The following RNF17 variants were observed in gnomAD, a reference collection of about 807,000 sequenced individuals.
RNF17 encodes ring finger protein 17, also known as spermatogenesis associated 23.
A neutral mutation model predicts 200.5 loss-of-function variants in RNF17; 31 were observed. The ratio of observed to expected loss-of-function variants is 0.15; its 90% CI spans 0.12 to 0.21. The LOEUF (loss-of-function observed/expected upper bound fraction) is 0.21. Ranked by LOEUF, RNF17 falls within the 10% of genes least tolerant of loss-of-function variation. RNF17 has a pLI of 1.00. For missense variants in RNF17, 1,628 were observed against 1,905.1 expected (o/e 0.85, Z 2.71); for synonymous variants, 606 against 637.8 (o/e 0.95, Z 0.75).
chr13:24,843,627 A>C, intron 19 of RNF17, 117 bp from the exon 20 acceptor site: 1 of 679,066 alleles, frequency 1.5e-6, no homozygotes, highest in East Asian at 2.8e-5. Flanking sequence ...GTCCACAGTT[A>C]AATGAATTTT....
At chr13:24,801,918 A>G (rs2137734920) in intron 13 of RNF17, among the ~76,000 whole-genome samples, 1 of 152,330 alleles carries the variant, frequency 6.6e-6, no homozygotes, top group African/African-American at 2.4e-5. Context: ...GTGAAGGTAT[A>G]TGCACGTTGT....
chr13:24,882,891 T>A, downstream of RNF17: 1 of 401,182 alleles, frequency 2.5e-6, no homozygotes, highest in Non-Finnish European at 4.6e-6. Flanking sequence ...TTTATAGCCA[T>A]TTCTAACCAA....
At chr13:24,883,522 T>C (rs1593525142), downstream of RNF17, among the ~76,000 whole-genome samples, 1 of 152,234 alleles carries the variant, frequency 6.6e-6, no homozygotes, top group Non-Finnish European at 1.5e-5. Flanking sequence ...TCTACAGTGT[T>C]TCTGCTTCAT....
At chr13:24,809,113 G>T (rs1320356265) in intron 15 of RNF17, among the ~76,000 whole-genome samples, 6 of 150,384 alleles carry the variant, frequency 4.0e-5, no homozygotes, top group East Asian at 3.9e-4. Context: ...TCTCTTTTTT[G>T]GTTGTGTCTC....
rs1173639812 is a variant in RNF17 at position 24,850,879 on chromosome 13, C to T, written c.3204+436C>T. ...GTTGTATTCCTCACTTCCCAACTCCCCATTCTGTGACTGGAAAAAAAGTTT... is the reference window on the plus strand; with the variant it reads ...GTTGTATTCCTCACTTCCCAACTCCTCATTCTGTGACTGGAAAAAAAGTTT... On this transcript the variant is annotated intron_variant, in intron 23 of 35. Transcript: ENST00000255324. Among the ~76,000 whole-genome samples, 7 of 152,264 alleles carry T rather than the reference C, an allele frequency of 4.6e-5. No homozygotes were observed. The East Asian group carries it at 1.3e-3, about 29-fold the overall frequency.
chr13:24,833,395 A>G (rs145922076), intron 18 of RNF17, among the ~76,000 whole-genome samples: 5 of 152,358 alleles, frequency 3.3e-5, no homozygotes, highest in African/African-American at 9.6e-5. Flanking sequence ...TCCTTAGGCT[A>G]TAGAAGTTTT....
At chr13:24,762,369 T>TCAA (rs1347667958), upstream of RNF17, among the ~76,000 whole-genome samples, 4 of 113,898 alleles carry the variant, frequency 3.5e-5, no homozygotes, top group East Asian at 9.5e-4. Context: ...ACTCCATTTC[T>TCAA]AAAAAAAAAA....
rs552237850 is a variant in RNF17, at chr13:24,821,316, A to T, written c.2092-4303A>T. ...TTAGGTCATATTTGAGATACTGGAG[A>T]TTATAGCTCTCCAACATATCTTTGG... On this transcript the variant is annotated intron_variant, in intron 15 of 35. Coordinates refer to ENST00000255324, the MANE Select transcript of RNF17 (RefSeq NM_031277.3). 2.0e-5 allele frequency among the ~76,000 whole-genome samples: 3 copies of T among 152,204 alleles called. No homozygotes were observed. In the East Asian group the frequency reaches 5.8e-4, roughly 29 times the overall value.
chr13:24,782,445 G>A lies in RNF17; in HGVS notation c.611+501G>A, dbSNP rs148684401. On this transcript the variant is annotated intron_variant, in intron 6 of 35. Transcript: ENST00000255324. ...ACTCCTGGCCTCAAGAAATCATCCTGCCTCAGCCTCCTAAAGTGCTGGGAT... is the reference window on the plus strand; with the variant it reads ...ACTCCTGGCCTCAAGAAATCATCCTACCTCAGCCTCCTAAAGTGCTGGGAT... 3.7e-3 allele frequency among the ~76,000 whole-genome samples: 570 copies of A among 152,050 alleles called. 4 individuals carry two copies. The highest frequency in any genetic ancestry group is 5.9e-3 in the Non-Finnish European group (403 of 67,980).
upstream of RNF17, chr13:24,764,121 G>A (rs1385890802): frequency 7.4e-7 from 1 of 1,348,204 alleles, no homozygotes; most frequent in Admixed American, 2.0e-5. Flanking sequence ...CTATCTGCAG[G>A]GGCTGGCCTC....
intron 16 of RNF17, among the ~76,000 whole-genome samples, chr13:24,827,063 G>GA (rs146232027): frequency 1.1e-3 from 159 of 147,674 alleles, no homozygotes; most frequent in African/African-American, 1.9e-3. Flanking sequence ...TCTGTTTCAA[G>GA]AAAAAAAAAA....
intron 5 of RNF17, 56 bp downstream of exon 5, chr13:24,779,803 T>C (rs1008379139): frequency 1.5e-6 from 2 of 1,290,576 alleles, no homozygotes; most frequent in Non-Finnish European, 2.3e-6. Flanking sequence ...CCTCTTTAAG[T>C]GTGTACATTT....
intron 17 of RNF17, 76 bp downstream of exon 17, chr13:24,830,675 C>A: frequency 9.7e-7 from 1 of 1,035,714 alleles, no homozygotes; most frequent in Non-Finnish European, 1.5e-6. Context: ...CTATTGTCAT[C>A]ATAGAAATGT....
At chr13:24,763,963 CTT>C (rs1210644996), upstream of RNF17, among the ~76,000 whole-genome samples, 9 of 152,196 alleles carry the variant, frequency 5.9e-5, no homozygotes, top group Non-Finnish European at 1.2e-4. Flanking sequence ...AGTGGTGACT[CTT>C]TGGGTAGAAC....
upstream of RNF17, among the ~76,000 whole-genome samples, chr13:24,760,952 T>TA (rs1002990354): frequency 2.6e-5 from 4 of 151,724 alleles, no homozygotes; most frequent in South Asian, 2.1e-4. Flanking sequence ...GGAGATTATT[T>TA]AAAAAAAAAG....
At chr13:24,797,040 T>C (rs139673880) in intron 11 of RNF17, among the ~76,000 whole-genome samples, 1,524 of 152,282 alleles carry the variant, frequency 0.01, 35 homozygotes, top group African/African-American at 0.034. Flanking sequence ...TCATATACTT[T>C]GACAAAAATG....
chr13:24,868,463 C>G (rs1350012846), intron 30 of RNF17, 137 bp from the exon 31 acceptor site: 2 of 292,022 alleles, frequency 6.8e-6, no homozygotes, highest in Non-Finnish European at 1.2e-5. Flanking sequence ...GAGCGAGACT[C>G]CGTCTCAAAA....
At chr13:24,761,380 G>T (rs747358956), upstream of RNF17, among the ~76,000 whole-genome samples, 1 of 152,174 alleles carries the variant, frequency 6.6e-6, no homozygotes, top group African/African-American at 2.4e-5. Flanking sequence ...GGTGCACAGG[G>T]CTAAGGGCAG....
In RNF17 at chr13:24,764,468, C is replaced by T. The variant is rs1159257213; in HGVS notation, c.130+135C>T. 11 of 1,283,914 alleles carry T rather than the reference C, an allele frequency of 8.6e-6. No individual in the cohort carries two copies. In the East Asian group the frequency reaches 2.1e-4, roughly 24 times the overall value. 79.5% of individuals were successfully genotyped at this position (1,283,914 alleles called of 1,614,324 possible). A position where few individuals can be genotyped will look rare whatever the true frequency, so the allele number is the denominator to read the frequency against. On this transcript the variant is annotated intron_variant, in intron 1 of 35. Coordinates refer to ENST00000255324, the MANE Select transcript of RNF17 (RefSeq NM_031277.3). ...TCACCAGAAACTGCGTCACAGGCCT[C>T]CCGCGAGCTGCACCCGACCTCTAAG...
Sources: gnomAD v4.1 joint callset for allele counts (sites outside exome capture counted in the v4.1 genomes callset) on GRCh38, gnomAD v4.1.1 for gene constraint, MANE v1.5 for transcripts, NCBI Gene and HGNC (gene_info 2026-07-23, HGNC 2026-07-21) for gene names.